The following DGKI variants were observed in gnomAD, a reference collection of about 807,000 sequenced individuals.
The protein encoded by DGKI is diacylglycerol kinase iota.
Under a neutral mutation model 147.5 loss-of-function variants are expected in DGKI, and 55 were observed. The ratio of observed to expected loss-of-function variants is 0.37; its 90% CI spans 0.30 to 0.47. The LOEUF (loss-of-function observed/expected upper bound fraction) is 0.47. DGKI is among the 20% of genes least tolerant of loss of function. The pLI, the probability that DGKI is intolerant of heterozygous loss-of-function variation, is 1.00. For missense variants in DGKI, 1,007 were observed against 1,323.8 expected, an observed-to-expected ratio of 0.76 and a Z score of 3.71; for synonymous variants, 469 against 477.1, an observed-to-expected ratio of 0.98 and a Z score of 0.22.
rs1563125933 is a variant in DGKI, at chr7:137,638,623, T to TATATGTATATATGTATATATATACAC, written c.804+6848_804+6849insGTGTATATATATACATATATACATAT. On this transcript the variant is annotated intron_variant, in intron 6 of 32. Transcript: ENST00000614521. Reference sequence around the variant, plus strand: ...ATATGTATATATATACACACACACATATATATGTGTGTATATATGTGTATG... The same window carrying TATATGTATATATGTATATATATACAC: ...ATATGTATATATATACACACACACATATATGTATATATGTATATATATACACATATATGTGTGTATATATGTGTATG... 7.3e-4 allele frequency among the ~76,000 whole-genome samples: 2 copies of TATATGTATATATGTATATATATACAC among 2,750 alleles called. 1 individual carries two copies. Among genetic ancestry groups the TATATGTATATATGTATATATATACAC allele is most frequent in the Admixed American group, 0.013 (2 of 160 alleles). The allele number at this position is 2,750 out of a possible 152,430, so 1.8% of individuals were successfully genotyped here.
At chr7:137,478,960 T>A (rs2128932811) in intron 23 of DGKI, among the ~76,000 whole-genome samples, 1 of 152,326 alleles carries the variant, frequency 6.6e-6, no homozygotes, top group East Asian at 1.9e-4. Flanking sequence ...CAGTAGATAC[T>A]GAAGCAATAG....
intron 3 of DGKI, among the ~76,000 whole-genome samples, chr7:137,670,984 C>T (rs961091030): frequency 6.6e-6 from 1 of 152,204 alleles, no homozygotes; most frequent in African/African-American, 2.4e-5. Context: ...GCATGTCGGG[C>T]TCTGATTGCC....
Position 137,552,448 on chromosome 7 carries a change from T to C in DGKI, c.2068A>G (p.Met690Val). ...DGEPCRLAPA[M>V]IRISLRNQAN... ...TGATTCCTCAGGGAGATCCGAATCATAGCTGGGGCCAACCTACAGGGCTCC... is the reference window on the plus strand; with the variant it reads ...TGATTCCTCAGGGAGATCCGAATCACAGCTGGGGCCAACCTACAGGGCTCC... The change falls in exon 20 of 33, where the codon ATG becomes GTG. Residue 690 changes from methionine to valine, a missense_variant. Met to Val is a conservative substitution (Grantham distance 21). Transcript: ENST00000614521. 9 of 1,614,146 alleles carry C rather than the reference T, an allele frequency of 5.6e-6. No homozygotes were observed. Among genetic ancestry groups the C allele is most frequent in the East Asian group, 2.2e-5 (1 of 44,880 alleles).
chr7:137,441,180 G>A (rs1813486285), intron 28 of DGKI, among the ~76,000 whole-genome samples: 1 of 152,070 alleles, frequency 6.6e-6, no homozygotes. Context: ...CAGTACTTTG[G>A]GAGGCCGAGG....
chr7:137,406,930 C>CAAAAAA (rs3046570), intron 30 of DGKI, among the ~76,000 whole-genome samples: 41,777 of 91,786 alleles, frequency 0.46, 9,408 homozygotes, highest in Admixed American at 0.55. Context: ...TGCTGAATTG[C>CAAAAAA]AAAAAAAAAA....
At chr7:137,569,977 T>C (rs913008269) in intron 19 of DGKI, among the ~76,000 whole-genome samples, 41 of 151,986 alleles carry the variant, frequency 2.7e-4, no homozygotes, top group African/African-American at 9.7e-4. Flanking sequence ...CATCACAAAA[T>C]CAGGTGATGA....
chr7:137,531,109 T>C (rs1213068828), intron 20 of DGKI, among the ~76,000 whole-genome samples: 1 of 152,098 alleles, frequency 6.6e-6, no homozygotes, highest in Non-Finnish European at 1.5e-5. Flanking sequence ...TGGACAAATA[T>C]CCTAATAAAA....
At chr7:137,470,364 C>T (rs555082353) in intron 23 of DGKI, among the ~76,000 whole-genome samples, 58 of 152,154 alleles carry the variant, frequency 3.8e-4, no homozygotes, top group African/African-American at 1.2e-3. Context: ...CCTCTGGGTT[C>T]GGATAAAAAT....
intron 1 of DGKI, among the ~76,000 whole-genome samples, chr7:137,729,534 A>T (rs1794808670): frequency 6.6e-6 from 1 of 152,144 alleles, no homozygotes; most frequent in Admixed American, 6.5e-5. Context: ...TTTGTAAAGA[A>T]ATTTATAAAA....
chr7:137,512,123 T>C (rs758681061), intron 21 of DGKI, among the ~76,000 whole-genome samples: 2 of 152,208 alleles, frequency 1.3e-5, no homozygotes, highest in Admixed American at 1.3e-4. Context: ...ACAAGACCTA[T>C]GACCGCAAAT....
At chr7:137,700,214 G>A (rs752394600) in intron 1 of DGKI, among the ~76,000 whole-genome samples, 8 of 152,174 alleles carry the variant, frequency 5.3e-5, no homozygotes, top group Admixed American at 1.3e-4. Flanking sequence ...GGAAACAGAA[G>A]TCATCCCAGA....
At chr7:137,426,223 G>A (rs1646437292) in intron 28 of DGKI, among the ~76,000 whole-genome samples, 1 of 152,174 alleles carries the variant, frequency 6.6e-6, no homozygotes, top group Admixed American at 6.5e-5. Flanking sequence ...CTACAAGCCA[G>A]AAGAGAGTGG....
At chr7:137,820,449 G>A in intron 1 of DGKI, among the ~76,000 whole-genome samples, 1 of 152,226 alleles carries the variant, frequency 6.6e-6, no homozygotes, top group East Asian at 1.9e-4. Context: ...GGCTGTGAGA[G>A]CCCTGCACCT....
intron 1 of DGKI, among the ~76,000 whole-genome samples, chr7:137,738,829 T>C (rs557465692): frequency 3.5e-4 from 53 of 151,292 alleles, no homozygotes; most frequent in Non-Finnish European, 4.1e-4. Flanking sequence ...AAAGTATCCA[T>C]CATCAGCCAA....
At chr7:137,625,018 AACTACC>A (rs1820885440) in intron 6 of DGKI, among the ~76,000 whole-genome samples, 1 of 152,188 alleles carries the variant, frequency 6.6e-6, no homozygotes, top group Admixed American at 6.5e-5. Flanking sequence ...CTCCAACCTG[AACTACC>A]ACTTCCAGAG....
intron 27 of DGKI, among the ~76,000 whole-genome samples, chr7:137,449,332 T>A (rs1305279238): frequency 6.6e-6 from 1 of 152,172 alleles, no homozygotes; most frequent in Admixed American, 6.6e-5. Context: ...AAAATAAATC[T>A]ACATGTTTAT....
intron 30 of DGKI, among the ~76,000 whole-genome samples, chr7:137,400,481 G>A (rs1013378556): frequency 6.6e-6 from 1 of 152,164 alleles, no homozygotes; most frequent in Non-Finnish European, 1.5e-5. Flanking sequence ...TGCAAGTGAG[G>A]GGATCCTCAA....
In DGKI at chr7:137,584,242, C is replaced by T. The variant is rs150347450; in HGVS notation, c.1563+967G>A. 2.3e-3 allele frequency among the ~76,000 whole-genome samples: 354 copies of T among 152,222 alleles called. 2 individuals carry two copies. Among genetic ancestry groups the T allele is most frequent in the African/African-American group, 8.3e-3 (345 of 41,540 alleles). On this transcript the variant is annotated intron_variant, in intron 14 of 32. Coordinates refer to ENST00000614521, the MANE Select transcript of DGKI (RefSeq NM_001321708.2). ...TTAATCAGAATCTCTGGTGACTGGG[C>T]CTTGTAATCTGCATTTTAACAAACA...
At position 137,706,323 on chromosome 7, in the gene DGKI, A is replaced by G. The variant is rs190194802; in HGVS notation, c.402-16321T>C. Among the ~76,000 whole-genome samples the G allele has an allele frequency of 3.1e-3, 475 of 151,802 alleles. 3 individuals carry two copies. The highest frequency in any genetic ancestry group is 0.01 in the African/African-American group (422 of 41,464). Reference sequence around the variant, plus strand: ...TTTCCTTGTTCTCTAGGTACATTAAAATAGCTACACAGATGAAATATGCAG... The same window carrying G: ...TTTCCTTGTTCTCTAGGTACATTAAGATAGCTACACAGATGAAATATGCAG... On this transcript the variant is annotated intron_variant, in intron 1 of 32. Coordinates refer to ENST00000614521, the MANE Select transcript of DGKI (RefSeq NM_001321708.2).
Sources: gnomAD v4.1 joint callset for allele counts (sites outside exome capture counted in the v4.1 genomes callset) on GRCh38, gnomAD v4.1.1 for gene constraint, MANE v1.5 for transcripts, NCBI Gene and HGNC (gene_info 2026-07-23, HGNC 2026-07-21) for gene names.